The following MS4A4E variants were observed in gnomAD, a reference collection of about 807,000 sequenced individuals.
MS4A4E encodes the protein membrane spanning 4-domains A4E.
A neutral mutation model predicts 13.3 loss-of-function variants in MS4A4E; 23 were observed. The observed-to-expected ratio is 1.73, with a 90% CI of 1.25 to 2.45. MS4A4E has a LOEUF of 2.45. Ranked by LOEUF, MS4A4E falls within the 30% of genes most tolerant of loss-of-function variation. MS4A4E has a pLI of 0.00. For synonymous variants in MS4A4E, 36 were observed against 45.6 expected (o/e 0.79, Z 0.85); for missense variants, 144 against 131.2 (o/e 1.10, Z -0.48).
intron 8 of MS4A4E, among the ~76,000 whole-genome samples, chr11:60,204,062 A>G (rs1213063193): frequency 1.3e-5 from 2 of 152,240 alleles, no homozygotes; most frequent in Non-Finnish European, 2.9e-5. Context: ...TGTATGCGCT[A>G]ATTTAAACCA....
intron 6 of MS4A4E, among the ~76,000 whole-genome samples, chr11:60,206,154 C>G (rs1239291968): frequency 6.6e-6 from 1 of 152,038 alleles, no homozygotes. Context: ...GGAAAAAGCA[C>G]TTTGGTCCCC....
intron 6 of MS4A4E, chr11:60,206,762 A>G (rs2084053762): frequency 4.3e-6 from 1 of 232,850 alleles, no homozygotes; most frequent in South Asian, 8.0e-5. Context: ...AGAATGCCAT[A>G]GGTGAGTCAC....
At chr11:60,218,109 C>T (rs2084219886) in intron 3 of MS4A4E, among the ~76,000 whole-genome samples, 1 of 152,042 alleles carries the variant, frequency 6.6e-6, no homozygotes, top group Admixed American at 6.6e-5. Flanking sequence ...CCAGATGTGC[C>T]GGTCTCTTAT....
chr11:60,229,925 G>A lies in MS4A4E; in HGVS notation c.131C>T (p.Pro44Leu), dbSNP rs758036118. 3 of 1,607,130 alleles carry A rather than the reference G, an allele frequency of 1.9e-6. No individual in the cohort carries two copies. The highest frequency in any genetic ancestry group is 1.3e-5 in the African/African-American group (1 of 74,932). ...CAATTGACTTACCCCAAGGACTTTG[G>A]GTTTCCTCTTGAAGAACTTCTCTTG... ...GLQEKFFKRK[P>L]KVLGVLCGHK... Residue 44 changes from proline to leucine, a missense_variant, in exon 2 of 9, where the codon CCC becomes CTC. Physicochemically the swap from Pro to Leu is moderately conservative, Grantham distance 98 (BLOSUM62 -3). Coordinates refer to ENST00000651255, the MANE Select transcript of MS4A4E (RefSeq NM_001393391.1).
chr11:60,217,819 AC>A (rs985508029), intron 3 of MS4A4E, among the ~76,000 whole-genome samples: 1 of 152,132 alleles, frequency 6.6e-6, no homozygotes, highest in Non-Finnish European at 1.5e-5. Context: ...TCGCCTCAGG[AC>A]CCTGTAATAA....
chr11:60,204,183 A>T (rs1386631305), intron 8 of MS4A4E, among the ~76,000 whole-genome samples: 1 of 152,224 alleles, frequency 6.6e-6, no homozygotes, highest in Admixed American at 6.5e-5. Flanking sequence ...AGATGTAAGG[A>T]CTTCTAGGAT....
intron 5 of MS4A4E, 103 bp from the exon 6 acceptor site, chr11:60,208,797 G>C: frequency 2.2e-6 from 1 of 455,324 alleles, no homozygotes; most frequent in Non-Finnish European, 3.9e-6. Flanking sequence ...CTGGCTGGGA[G>C]TCAGGAAACC....
In MS4A4E at chr11:60,200,705, A is replaced by T. The variant is rs1029531114; in HGVS notation, c.*838T>A. 6.6e-6 allele frequency among the ~76,000 whole-genome samples: 1 copy of T among 152,202 alleles called. No individual in the cohort carries two copies. The highest frequency in any genetic ancestry group is 1.5e-5 in the Non-Finnish European group (1 of 68,028). On this transcript the variant is annotated 3_prime_UTR_variant, in exon 9 of 9. Transcript: ENST00000651255. ...ATGTCTACTTCTTTCCACACAGACA[A>T]GGCAACCATCCGATTTCTCAATCTT...
chr11:60,206,138 C>T (rs550461250), intron 6 of MS4A4E, among the ~76,000 whole-genome samples: 2 of 152,064 alleles, frequency 1.3e-5, no homozygotes, highest in Admixed American at 6.5e-5. Flanking sequence ...ATCTCCACTT[C>T]ATGAAGGAAA....
chr11:60,241,981 T>C (rs1011315088), intron 1 of MS4A4E, among the ~76,000 whole-genome samples: 2 of 152,144 alleles, frequency 1.3e-5, no homozygotes, highest in African/African-American at 4.8e-5. Flanking sequence ...GTTTCCTCAT[T>C]TTTATGTCAC....
intron 1 of MS4A4E, among the ~76,000 whole-genome samples, chr11:60,242,659 A>G (rs2084565469): frequency 6.6e-6 from 1 of 152,238 alleles, no homozygotes; most frequent in Non-Finnish European, 1.5e-5. Context: ...GTGTTTTGGT[A>G]TCCTGAGAAC....
intron 4 of MS4A4E, 122 bp from the exon 5 acceptor site, chr11:60,213,254 T>C (rs201455121): frequency 2.0e-6 from 3 of 1,530,148 alleles, no homozygotes; most frequent in East Asian, 2.4e-5. Flanking sequence ...TGTCTCCTTA[T>C]AGTGGTTTCA....
intron 1 of MS4A4E, among the ~76,000 whole-genome samples, chr11:60,240,842 C>T (rs1350230823): frequency 6.6e-6 from 1 of 152,158 alleles, no homozygotes; most frequent in Non-Finnish European, 1.5e-5. Context: ...ACACCATTCT[C>T]CTACAGCCCC....
intron 3 of MS4A4E, among the ~76,000 whole-genome samples, chr11:60,218,177 T>C (rs1336909076): frequency 1.3e-5 from 2 of 152,166 alleles, no homozygotes; most frequent in Non-Finnish European, 2.9e-5. Flanking sequence ...CCAGGCTTAT[T>C]AGGAAGAGGA....
At chr11:60,241,540 T>TA (rs1488334164) in intron 1 of MS4A4E, among the ~76,000 whole-genome samples, 1 of 152,324 alleles carries the variant, frequency 6.6e-6, no homozygotes, top group East Asian at 1.9e-4. Flanking sequence ...AATTCTTTGG[T>TA]AACATAGGTC....
rs562109028 is a variant in MS4A4E, at chr11:60,230,926, C to T, written c.-16-855G>A. 4.2e-4 allele frequency among the ~76,000 whole-genome samples: 64 copies of T among 152,052 alleles called. 1 individual carries two copies. The Middle Eastern group carries it at 0.02, about 48-fold the overall frequency. On this transcript the variant is annotated intron_variant, in intron 1 of 8. Transcript: ENST00000651255. ...CAAGTCATAGTTGATTTCAGTGGAG[C>T]ATATATGCTAAAAACTGTCAGGTTT...
At chr11:60,216,617 G>T (rs958697596) in intron 3 of MS4A4E, among the ~76,000 whole-genome samples, 71 of 150,306 alleles carry the variant, frequency 4.7e-4, no homozygotes, top group Non-Finnish European at 9.8e-4. Context: ...ATATATATAG[G>T]TTATATATCA....
intron 1 of MS4A4E, among the ~76,000 whole-genome samples, chr11:60,242,624 A>G (rs1275830912): frequency 1.3e-5 from 2 of 152,230 alleles, no homozygotes; most frequent in African/African-American, 4.8e-5. Flanking sequence ...GAGGTAATTA[A>G]TCAAAGTTTA....
chr11:60,233,044 G>A (rs976932829), intron 1 of MS4A4E, among the ~76,000 whole-genome samples: 1 of 151,990 alleles, frequency 6.6e-6, no homozygotes, highest in Non-Finnish European at 1.5e-5. Context: ...CCACCTCCCC[G>A]GAACTGACCT....
Sources: gnomAD v4.1 joint callset for allele counts (sites outside exome capture counted in the v4.1 genomes callset) on GRCh38, gnomAD v4.1.1 for gene constraint, MANE v1.5 for transcripts, NCBI Gene and HGNC (gene_info 2026-07-23, HGNC 2026-07-21) for gene names.